The following OPCML variants were observed in gnomAD, a reference collection of about 807,000 sequenced individuals.
OPCML encodes opioid-binding protein/cell adhesion molecule.
In OPCML, 13 loss-of-function variants were observed where a neutral mutation model predicts 37.8. The ratio of observed to expected loss-of-function variants is 0.34; its 90% CI spans 0.22 to 0.55. The LOEUF (loss-of-function observed/expected upper bound fraction) is 0.55, where lower values mean the gene tolerates loss of function less well. Ranked by LOEUF, OPCML falls within the 20% of genes least tolerant of loss-of-function variation. The pLI is 0.91. For missense variants in OPCML, 341 were observed against 435.6 expected (o/e 0.78, Z 1.93); for synonymous variants, 176 against 168.8 (o/e 1.04, Z -0.33).
chr11:133,489,718 A>G (rs1947611596), intron 1 of OPCML, among the ~76,000 whole-genome samples: 1 of 152,160 alleles, frequency 6.6e-6, no homozygotes, highest in Non-Finnish European at 1.5e-5. Context: ...CATTATTTCA[A>G]AAAGATACCC....
chr11:132,888,399 A>C (rs560219996), intron 2 of OPCML, among the ~76,000 whole-genome samples: 4 of 152,192 alleles, frequency 2.6e-5, no homozygotes, highest in African/African-American at 9.6e-5. Context: ...AATTGAAGGA[A>C]GCACAGCCAT....
intron 1 of OPCML, among the ~76,000 whole-genome samples, chr11:133,392,621 C>T (rs1391607703): frequency 1.3e-5 from 2 of 152,164 alleles, no homozygotes; most frequent in Non-Finnish European, 2.9e-5. Context: ...TTCTGCAGCT[C>T]ATTCTGAGGC....
chr11:132,535,261 G>A (rs765374017), intron 3 of OPCML, among the ~76,000 whole-genome samples: 10 of 152,002 alleles, frequency 6.6e-5, no homozygotes, highest in African/African-American at 1.2e-4. Context: ...CTTAAACTGA[G>A]CTATTGGGCC....
intron 2 of OPCML, among the ~76,000 whole-genome samples, chr11:132,720,739 A>G (rs1052039000): frequency 1.3e-5 from 2 of 152,204 alleles, no homozygotes; most frequent in African/African-American, 4.8e-5. Context: ...TTATTGAGAA[A>G]ACTGGAAAGA....
At chr11:133,386,202 C>A (rs1447072817) in intron 1 of OPCML, among the ~76,000 whole-genome samples, 1 of 152,130 alleles carries the variant, frequency 6.6e-6, no homozygotes, top group Non-Finnish European at 1.5e-5. Context: ...AAAGGCCAAC[C>A]CAGTTTTTTC....
intron 1 of OPCML, among the ~76,000 whole-genome samples, chr11:133,358,605 G>A (rs1944344070): frequency 1.3e-5 from 2 of 152,184 alleles, no homozygotes; most frequent in Non-Finnish European, 2.9e-5. Flanking sequence ...GTTGACAGAG[G>A]TACAAGGATG....
intron 1 of OPCML, among the ~76,000 whole-genome samples, chr11:133,272,768 A>G (rs1435939171): frequency 6.6e-6 from 1 of 152,192 alleles, no homozygotes; most frequent in African/African-American, 2.4e-5. Flanking sequence ...CTCAGCTTCA[A>G]TGCATTTCTT....
intron 1 of OPCML, among the ~76,000 whole-genome samples, chr11:133,027,506 G>A (rs1947578547): frequency 6.7e-6 from 1 of 148,740 alleles, no homozygotes; most frequent in African/African-American, 2.5e-5. Context: ...GTGTGTGTGT[G>A]TAGTGCGGTG....
intron 4 of OPCML, among the ~76,000 whole-genome samples, chr11:132,501,420 G>A (rs564910207): frequency 5.3e-5 from 8 of 152,266 alleles, no homozygotes; most frequent in African/African-American, 1.7e-4. Context: ...CTGGTCCCGG[G>A]TGCCATAGCG....
At chr11:133,319,765 G>A (rs1420236566) in intron 1 of OPCML, among the ~76,000 whole-genome samples, 2 of 152,172 alleles carry the variant, frequency 1.3e-5, no homozygotes, top group African/African-American at 4.8e-5. Context: ...TGTCACAGTG[G>A]AACCAGTCTA....
At chr11:133,083,190 C>T (rs1346195016) in intron 1 of OPCML, among the ~76,000 whole-genome samples, 2 of 152,192 alleles carry the variant, frequency 1.3e-5, no homozygotes, top group Non-Finnish European at 2.9e-5. Flanking sequence ...CGCACAGTCA[C>T]TGGGGCGCCG....
chr11:132,748,340 A>G (rs375621521), intron 2 of OPCML, among the ~76,000 whole-genome samples: 2 of 152,066 alleles, frequency 1.3e-5, no homozygotes, highest in East Asian at 3.9e-4. Context: ...TCATTCACAG[A>G]TATGTATCGA....
At position 133,117,440 on chromosome 11, in the gene OPCML, A is replaced by T. The variant is rs138894079; in HGVS notation, c.62-174430T>A. Among the ~76,000 whole-genome samples the T allele has an allele frequency of 2.8e-3, 428 of 152,310 alleles. 2 individuals are homozygous for T. The highest frequency in any genetic ancestry group is 0.01 in the African/African-American group (416 of 41,564). ...CCATGGTCCTAAGGTGTTCCCATAG[A>T]CTAGCACTGAGCTGTGAAGGGACCA... On this transcript the variant is annotated intron_variant, in intron 1 of 7. Transcript: ENST00000524381.
chr11:132,782,117 C>T (rs905871713), intron 2 of OPCML, among the ~76,000 whole-genome samples: 35 of 151,926 alleles, frequency 2.3e-4, no homozygotes, highest in South Asian at 4.2e-4. Context: ...ATTTTTCCCT[C>T]AGAACAGAAC....
At position 133,129,387 on chromosome 11, in the gene OPCML, T is replaced by G. The variant is rs139282729; in HGVS notation, c.62-186377A>C. On this transcript the variant is annotated intron_variant, in intron 1 of 7. Transcript: ENST00000524381. ...GAAAGCCGTGTAATGCACCGGATATTGGGTAGAGTACACCGAAAGATTTTC... is the reference window on the plus strand; with the variant it reads ...GAAAGCCGTGTAATGCACCGGATATGGGGTAGAGTACACCGAAAGATTTTC... Among the ~76,000 whole-genome samples, 14 of 152,266 alleles carry G rather than the reference T, an allele frequency of 9.2e-5. No homozygotes were observed. In the East Asian group the frequency reaches 2.7e-3, roughly 29 times the overall value.
chr11:133,351,162 G>A (rs1741600207), intron 1 of OPCML, among the ~76,000 whole-genome samples: 1 of 152,168 alleles, frequency 6.6e-6, no homozygotes, highest in African/African-American at 2.4e-5. Context: ...AACAGCAAAT[G>A]GCCTTTCAAA....
chr11:133,336,400 T>C (rs900101934), intron 1 of OPCML, among the ~76,000 whole-genome samples: 21 of 152,100 alleles, frequency 1.4e-4, no homozygotes, highest in Non-Finnish European at 2.9e-5. Flanking sequence ...TAGGATCTAG[T>C]GGCTAAGAAT....
intron 4 of OPCML, among the ~76,000 whole-genome samples, chr11:132,507,375 G>A (rs947599545): frequency 1.3e-5 from 2 of 151,774 alleles, no homozygotes; most frequent in Non-Finnish European, 2.9e-5. Flanking sequence ...ATCTTGTACT[G>A]TAGTATTAAT....
At chr11:133,362,487 A>T (rs1365026084) in intron 1 of OPCML, among the ~76,000 whole-genome samples, 1 of 152,140 alleles carries the variant, frequency 6.6e-6, no homozygotes, top group Non-Finnish European at 1.5e-5. Context: ...CGGGGAAGTG[A>T]GCTGTTTCCT....
Sources: allele counts gnomAD v4.1 joint callset (sites outside exome capture counted in the v4.1 genomes callset), GRCh38; gene constraint gnomAD v4.1.1; transcripts MANE v1.5; gene names NCBI Gene and HGNC (gene_info 2026-07-23, HGNC 2026-07-21).